Variants in DOCK1 observed in about 807,000 individuals in gnomAD.
The protein encoded by DOCK1 is dedicator of cytokinesis 1.
Under a neutral mutation model 262.7 loss-of-function variants are expected in DOCK1, and 138 were observed. The observed-to-expected ratio is 0.53, with a 90% confidence interval of 0.46 to 0.61. The LOEUF (loss-of-function observed/expected upper bound fraction) is 0.61, where lower values mean the gene tolerates loss of function less well. Among genes scored for constraint, DOCK1 ranks in the 20% least tolerant of loss-of-function variants. DOCK1 has a pLI of 0.00. For synonymous variants in DOCK1, 866 were observed against 867.4 expected, an observed-to-expected ratio of 1.00 and a Z score of 0.03; for missense variants, 1,908 against 2,370.7, an observed-to-expected ratio of 0.80 and a Z score of 4.05.
At chr10:127,037,631 T>C (rs1318496696) in intron 18 of DOCK1, 88 bp from the exon 19 acceptor site, 2 of 1,176,618 alleles carry the variant, frequency 1.7e-6, no homozygotes, top group South Asian at 1.5e-5. Flanking sequence ...CACAAAATTT[T>C]ATAGAGAACC....
intron 13 of DOCK1, 44 bp from the exon 14 acceptor site, chr10:127,023,156 T>C (rs773693806): frequency 6.2e-7 from 1 of 1,607,010 alleles, no homozygotes; most frequent in South Asian, 1.1e-5. Flanking sequence ...ATTACGCTAT[T>C]AATAATGGAT....
intron 47 of DOCK1, among the ~76,000 whole-genome samples, chr10:127,429,150 G>A (rs565282349): frequency 8.5e-5 from 13 of 152,102 alleles, no homozygotes; most frequent in African/African-American, 3.1e-4. Context: ...ACATTGTGAG[G>A]CAGCACCGTC....
At chr10:127,024,627 G>T (rs1366662320) in intron 14 of DOCK1, 58 bp from the exon 15 acceptor site, 3 of 1,422,268 alleles carry the variant, frequency 2.1e-6, no homozygotes, top group East Asian at 2.4e-5. Flanking sequence ...AGTGGGAGAT[G>T]TATATGGTGT....
At chr10:127,030,816 C>T (rs1182061680) in intron 16 of DOCK1, among the ~76,000 whole-genome samples, 1 of 149,114 alleles carries the variant, frequency 6.7e-6, no homozygotes, top group Non-Finnish European at 1.5e-5. Context: ...GTCTCTGTCT[C>T]TGTCTCTATC....
chr10:127,107,904 T>A (rs533596502), intron 24 of DOCK1, among the ~76,000 whole-genome samples: 8 of 152,318 alleles, frequency 5.3e-5, no homozygotes, highest in African/African-American at 1.9e-4. Context: ...TCGTCGATAC[T>A]CTCAGTTTGC....
intron 1 of DOCK1, among the ~76,000 whole-genome samples, chr10:126,912,617 T>TCGGGAGGCTGAGG (rs2031956713): frequency 6.6e-6 from 1 of 150,750 alleles, no homozygotes; most frequent in South Asian, 2.1e-4. Flanking sequence ...TCCCAGCTAC[T>TCGGGAGGCTGAGG]CGGGAGGCTG....
intron 47 of DOCK1, among the ~76,000 whole-genome samples, chr10:127,426,329 A>G (rs1363458037): frequency 6.6e-6 from 1 of 152,164 alleles, no homozygotes; most frequent in African/African-American, 2.4e-5. Flanking sequence ...CGCCCAGGCA[A>G]CTCAGCTGGT....
intron 45 of DOCK1, 130 bp downstream of exon 45, chr10:127,418,671 GC>G: frequency 8.2e-7 from 1 of 1,216,800 alleles, no homozygotes; most frequent in Non-Finnish European, 1.1e-6. Context: ...CCCAGCCAAG[GC>G]CAGGCAGCAG....
chr10:127,313,285 C>G (rs917737416), intron 29 of DOCK1, among the ~76,000 whole-genome samples: 1 of 152,166 alleles, frequency 6.6e-6, no homozygotes, highest in Non-Finnish European at 1.5e-5. Flanking sequence ...CTGACACACA[C>G]AAGCAGGGAC....
At chr10:127,365,489 A>C (rs950653756) in intron 33 of DOCK1, among the ~76,000 whole-genome samples, 1 of 152,250 alleles carries the variant, frequency 6.6e-6, no homozygotes, top group South Asian at 2.1e-4. Context: ...TTTGAATTTT[A>C]TATAAATCTA....
At chr10:127,009,859 C>T (rs568450743) in intron 11 of DOCK1, among the ~76,000 whole-genome samples, 9 of 152,214 alleles carry the variant, frequency 5.9e-5, no homozygotes, top group South Asian at 2.1e-4. Context: ...GATGGACCAC[C>T]GCGCTCAACC....
chr10:127,000,556 C>T (rs2275539), intron 10 of DOCK1: 7 of 464,896 alleles, frequency 1.5e-5, no homozygotes, highest in Non-Finnish European at 3.7e-6. Flanking sequence ...CCATCTTTCC[C>T]TGGGAGTGAT....
intron 27 of DOCK1, among the ~76,000 whole-genome samples, chr10:127,182,022 G>A (rs1197512084): frequency 1.3e-5 from 2 of 152,154 alleles, no homozygotes; most frequent in African/African-American, 4.8e-5. Context: ...AGGGGTGACT[G>A]GATGAATTCA....
At chr10:127,203,785 A>G (rs1378844728) in intron 27 of DOCK1, among the ~76,000 whole-genome samples, 1 of 152,122 alleles carries the variant, frequency 6.6e-6, no homozygotes, top group Non-Finnish European at 1.5e-5. Context: ...CAGCTGTGCC[A>G]TACTCTAAAT....
chr10:127,439,443 GT>G (rs1368357197), intron 49 of DOCK1, among the ~76,000 whole-genome samples: 1 of 152,210 alleles, frequency 6.6e-6, no homozygotes, highest in Non-Finnish European at 1.5e-5. Context: ...CTTAGCATTT[GT>G]CCCCCTTCCG....
At chr10:127,148,854 A>T (rs917146632) in intron 27 of DOCK1, among the ~76,000 whole-genome samples, 10 of 152,218 alleles carry the variant, frequency 6.6e-5, no homozygotes, top group Non-Finnish European at 1.2e-4. Context: ...TCATGCTGAG[A>T]TGGTTTTAAT....
chr10:127,196,525 C>T (rs1039488678), intron 27 of DOCK1, among the ~76,000 whole-genome samples: 20 of 147,808 alleles, frequency 1.4e-4, no homozygotes, highest in Admixed American at 1.0e-3. Context: ...CGGCCAGAGG[C>T]GAGGGCGCCC....
At position 127,204,008 on chromosome 10, in the gene DOCK1, T is replaced by C. The variant is rs1014626734; in HGVS notation, c.2848-44000T>C. Among the ~76,000 whole-genome samples, 40 of 152,038 alleles carry C rather than the reference T, an allele frequency of 2.6e-4. 1 individual carries two copies. Among genetic ancestry groups the C allele is most frequent in the South Asian group, 1.2e-3 (6 of 4,818 alleles). On this transcript the variant is annotated intron_variant, in intron 27 of 51. Coordinates refer to ENST00000623213, the MANE Select transcript of DOCK1 (RefSeq NM_001290223.2). ...TCCAGTGTCCATAGTTTAAAGTGAA[T>C]ATGGCTAGAATGTTGTACAAACGCT...
chr10:126,907,817 C>A (rs112745879), intron 1 of DOCK1, among the ~76,000 whole-genome samples: 1,942 of 152,158 alleles, frequency 0.013, 41 homozygotes, highest in African/African-American at 0.044. Flanking sequence ...GTGGTGACTT[C>A]TAACATCACA....
Sources: allele counts gnomAD v4.1 joint callset (sites outside exome capture counted in the v4.1 genomes callset), GRCh38; gene constraint gnomAD v4.1.1; transcripts MANE v1.5; gene names NCBI Gene and HGNC (gene_info 2026-07-23, HGNC 2026-07-21).